Variants in FHIT observed in about 807,000 individuals in gnomAD.
The protein encoded by FHIT is bis(5'-adenosyl)-triphosphatase.
In FHIT, 19 loss-of-function variants were observed where a neutral mutation model predicts 17.9. The observed-to-expected ratio is 1.06, with a 90% CI of 0.74 to 1.56. FHIT has a LOEUF of 1.56. Among genes scored for constraint, FHIT ranks in the 40% most tolerant of loss-of-function variants. FHIT has a pLI of 0.00. For missense variants in FHIT, 248 were observed against 189.2 expected, an observed-to-expected ratio of 1.31 and a Z score of -1.82; for synonymous variants, 81 against 69.7, an observed-to-expected ratio of 1.16 and a Z score of -0.81.
chr3:60,322,198 T>A (rs1391341679), intron 5 of FHIT, among the ~76,000 whole-genome samples: 1 of 152,224 alleles, frequency 6.6e-6, no homozygotes, highest in Non-Finnish European at 1.5e-5. Flanking sequence ...GTGGAACTCC[T>A]GCTCTGTGTA....
At chr3:60,028,086 T>C (rs925506365) in intron 5 of FHIT, among the ~76,000 whole-genome samples, 1 of 152,308 alleles carries the variant, frequency 6.6e-6, no homozygotes, top group East Asian at 1.9e-4. Flanking sequence ...CACAAATTTA[T>C]GGTAACAAGG....
intron 8 of FHIT, among the ~76,000 whole-genome samples, chr3:59,900,569 T>C (rs1575665215): frequency 2.0e-5 from 3 of 152,198 alleles, no homozygotes; most frequent in African/African-American, 2.4e-5. Flanking sequence ...ACCATGTGTA[T>C]ATCCCAAGAC....
intron 5 of FHIT, among the ~76,000 whole-genome samples, chr3:60,461,735 A>G (rs578152160): frequency 1.3e-5 from 2 of 152,310 alleles, no homozygotes; most frequent in South Asian, 4.1e-4. Context: ...TAGAAAGCAG[A>G]CCATCATTAT....
intron 2 of FHIT, among the ~76,000 whole-genome samples, chr3:61,129,311 G>C (rs1239297099): frequency 6.6e-6 from 1 of 152,152 alleles, no homozygotes; most frequent in African/African-American, 2.4e-5. Flanking sequence ...AAAGCAATTT[G>C]TGGCATCTAA....
intron 8 of FHIT, among the ~76,000 whole-genome samples, chr3:59,820,371 A>C (rs1259629462): frequency 1.3e-5 from 2 of 152,208 alleles, no homozygotes; most frequent in East Asian, 3.9e-4. Flanking sequence ...CAGGTACTAC[A>C]ACAACTTACA....
chr3:60,556,838 C>A (rs1324728897), intron 4 of FHIT, among the ~76,000 whole-genome samples: 1 of 152,232 alleles, frequency 6.6e-6, no homozygotes, highest in African/African-American at 2.4e-5. Flanking sequence ...GTGTTGAACA[C>A]TGTCTAGGAA....
chr3:60,199,958 T>C (rs1419045633), intron 5 of FHIT, among the ~76,000 whole-genome samples: 1 of 152,144 alleles, frequency 6.6e-6, no homozygotes, highest in African/African-American at 2.4e-5. Flanking sequence ...ACTAATATTC[T>C]TTTGTTGTAC....
chr3:60,058,118 G>A (rs1358964557), intron 5 of FHIT, among the ~76,000 whole-genome samples: 1 of 144,230 alleles, frequency 6.9e-6, no homozygotes, highest in Non-Finnish European at 1.5e-5. Flanking sequence ...TGTATAATGA[G>A]TACAGAGTTG....
At chr3:60,097,922 T>A (rs1310928554) in intron 5 of FHIT, among the ~76,000 whole-genome samples, 3 of 144,076 alleles carry the variant, frequency 2.1e-5, no homozygotes, top group Non-Finnish European at 4.5e-5. Context: ...TGTCCATGTG[T>A]TCTCATTGTT....
intron 4 of FHIT, among the ~76,000 whole-genome samples, chr3:60,667,139 G>A (rs2040400806): frequency 6.9e-6 from 1 of 144,058 alleles, no homozygotes; most frequent in Non-Finnish European, 1.5e-5. Flanking sequence ...CCAAAATGCT[G>A]AGATTACAGG....
At chr3:60,065,789 C>T (rs1702475271) in intron 5 of FHIT, among the ~76,000 whole-genome samples, 1 of 152,176 alleles carries the variant, frequency 6.6e-6, no homozygotes, top group Non-Finnish European at 1.5e-5. Context: ...GCCAACTACT[C>T]ATTCTCTCAG....
At chr3:60,600,887 C>T (rs1164071509) in intron 4 of FHIT, among the ~76,000 whole-genome samples, 1 of 152,136 alleles carries the variant, frequency 6.6e-6, no homozygotes, top group Non-Finnish European at 1.5e-5. Context: ...AAATGCATCC[C>T]TCTCATGAGC....
chr3:60,251,140 G>C (rs936893982), intron 5 of FHIT, among the ~76,000 whole-genome samples: 4 of 152,122 alleles, frequency 2.6e-5, no homozygotes, highest in African/African-American at 2.4e-5. Context: ...GCTTTCACTG[G>C]ATTAAGCTAT....
intron 4 of FHIT, among the ~76,000 whole-genome samples, chr3:60,561,649 G>A (rs185897486): frequency 1.3e-5 from 2 of 152,256 alleles, no homozygotes; most frequent in East Asian, 1.9e-4. Context: ...ACTGAGCTTT[G>A]TAGTTCTGAC....
chr3:59,857,069 G>A (rs1368364262), intron 8 of FHIT, among the ~76,000 whole-genome samples: 1 of 152,188 alleles, frequency 6.6e-6, no homozygotes, highest in Non-Finnish European at 1.5e-5. Context: ...CAAATGTGGA[G>A]CTGATATTAC....
At chr3:60,738,340 G>A (rs1227552636) in intron 4 of FHIT, among the ~76,000 whole-genome samples, 1 of 152,160 alleles carries the variant, frequency 6.6e-6, no homozygotes, top group Non-Finnish European at 1.5e-5. Context: ...GCCCAGCAAT[G>A]GAATGTAGCA....
At chr3:60,345,054 A>G (rs1294152283) in intron 5 of FHIT, among the ~76,000 whole-genome samples, 1 of 152,226 alleles carries the variant, frequency 6.6e-6, no homozygotes, top group Non-Finnish European at 1.5e-5. Context: ...TGAAAATCAT[A>G]TGCTTTATTT....
chr3:60,820,201 G>A (rs1475854156), intron 4 of FHIT, among the ~76,000 whole-genome samples: 1 of 151,966 alleles, frequency 6.6e-6, no homozygotes, highest in Non-Finnish European at 1.5e-5. Context: ...CCAGCTACTT[G>A]GGAGGCTGAG....
At chr3:61,222,115 C>G (rs1036312021) in intron 1 of FHIT, among the ~76,000 whole-genome samples, 2 of 152,172 alleles carry the variant, frequency 1.3e-5, no homozygotes, top group African/African-American at 2.4e-5. Flanking sequence ...GGAAGACTCT[C>G]TAGTCTCCTT....
Sources: gnomAD v4.1 joint callset for allele counts (sites outside exome capture counted in the v4.1 genomes callset) on GRCh38, gnomAD v4.1.1 for gene constraint, MANE v1.5 for transcripts, NCBI Gene and HGNC (gene_info 2026-07-23, HGNC 2026-07-21) for gene names.